SLC5A1: variants seen among roughly 807,000 people sequenced by gnomAD.
The protein encoded by SLC5A1 is sodium/glucose cotransporter 1.
In SLC5A1, 42 loss-of-function variants were observed where a neutral mutation model predicts 73.5. That is an observed-to-expected ratio of 0.57 (90% CI 0.45 to 0.74). SLC5A1 has a LOEUF of 0.74. Ranked by LOEUF, SLC5A1 falls within the 30% of genes least tolerant of loss-of-function variation. The pLI, the probability that SLC5A1 is intolerant of heterozygous loss-of-function variation, is 0.00. For missense variants in SLC5A1, 634 were observed against 855.4 expected, an observed-to-expected ratio of 0.74 and a Z score of 3.23; for synonymous variants, 300 against 317.4, an observed-to-expected ratio of 0.95 and a Z score of 0.58.
At chr22:32,102,292 TTTAA>T in intron 13 of SLC5A1, 55 bp downstream of exon 13, 1 of 1,321,118 alleles carries the variant, frequency 7.6e-7, no homozygotes, top group Non-Finnish European at 1.1e-6. Context: ...TGCAATGTTC[TTTAA>T]TTTTTTTTAA....
intron 6 of SLC5A1, 159 bp from the exon 7 acceptor site, chr22:32,082,915 G>GT: frequency 1.4e-6 from 1 of 695,896 alleles, no homozygotes; most frequent in South Asian, 1.6e-5. Flanking sequence ...GCAAAATACT[G>GT]TAACAGGACA....
intron 14 of SLC5A1, among the ~76,000 whole-genome samples, chr22:32,105,575 A>G (rs549249361): frequency 2.0e-5 from 3 of 152,340 alleles, no homozygotes; most frequent in Admixed American, 2.0e-4. Flanking sequence ...GATTACAGGC[A>G]TAAGCCACCA....
At chr22:32,069,083 A>G (rs1457004183) in intron 5 of SLC5A1, among the ~76,000 whole-genome samples, 2 of 152,198 alleles carry the variant, frequency 1.3e-5, no homozygotes, top group African/African-American at 4.8e-5. Flanking sequence ...ACTCGGCCTT[A>G]AAAAAGAAGG....
intron 1 of SLC5A1, among the ~76,000 whole-genome samples, chr22:32,048,618 A>T (rs1029757528): frequency 6.6e-6 from 1 of 152,046 alleles, no homozygotes; most frequent in Non-Finnish European, 1.5e-5. Flanking sequence ...CCACCTCTAG[A>T]TCTGCTGTTT....
chr22:32,083,228 G>C, intron 7 of SLC5A1, 74 bp downstream of exon 7: 1 of 1,257,614 alleles, frequency 8.0e-7, no homozygotes, highest in South Asian at 1.2e-5. Context: ...GGCAAGTCCA[G>C]CCTCTCTACC....
At chr22:32,094,716 T>G (rs1245212898) in intron 11 of SLC5A1, among the ~76,000 whole-genome samples, 1 of 152,220 alleles carries the variant, frequency 6.6e-6, no homozygotes, top group Non-Finnish European at 1.5e-5. Context: ...TTGTGCTTAT[T>G]TGGATTTTCT....
chr22:32,054,055 C>A (rs955721002), intron 2 of SLC5A1, among the ~76,000 whole-genome samples: 1 of 152,134 alleles, frequency 6.6e-6, no homozygotes, highest in Non-Finnish European at 1.5e-5. Context: ...TGCCTGTAAT[C>A]CCAGCTACTT....
chr22:32,084,676 T>C lies in SLC5A1; in HGVS notation c.885+17T>C. The C allele has an allele frequency of 6.2e-7, 1 of 1,605,542 alleles. No individual in the cohort carries two copies. The highest frequency in any genetic ancestry group is 1.1e-5 in the South Asian group (1 of 90,890). On this transcript the variant is annotated intron_variant, in intron 8 of 14. Transcript: ENST00000266088. ...ACAGATCAGGTACCCAAGCTGGATGTGCGGGATGGACAGAGTCTTCTCCAG... is the reference window on the plus strand; with the variant it reads ...ACAGATCAGGTACCCAAGCTGGATGCGCGGGATGGACAGAGTCTTCTCCAG...
chr22:32,049,140 A>G (rs1250730013), intron 1 of SLC5A1, among the ~76,000 whole-genome samples: 1 of 145,246 alleles, frequency 6.9e-6, no homozygotes, highest in Non-Finnish European at 1.5e-5. Context: ...ATCATTATAT[A>G]TATATAATCT....
chr22:32,058,844 C>G (rs893980873), intron 2 of SLC5A1, among the ~76,000 whole-genome samples: 14 of 152,246 alleles, frequency 9.2e-5, no homozygotes, highest in Admixed American at 5.9e-4. Context: ...TTCTCATGGG[C>G]CCTGGGTAGG....
Position 32,104,880 on chromosome 22 carries a change from C to G in SLC5A1, c.1760C>G (p.Thr587Ser), listed in dbSNP as rs1485644659. The change falls in exon 14 of 15, where the codon ACC (threonine) becomes AGC (serine). Residue 587 changes from threonine to serine, a missense_variant. Around this residue, in one of 3 missense-constraint regions of SLC5A1, gnomAD observed 161 missense variants for 178.7 expected, o/e 0.90. Transcript: ENST00000266088. ...AACATCCAAGAAGGCCCTAAGGAGA[C>G]CATTGAAATAGGTGACTTATGACCC... is the stretch of plus-strand genomic sequence containing the variant. ...EENIQEGPKETIEIETQVPEK... is the reference protein window; with the variant it reads ...EENIQEGPKESIEIETQVPEK... 1 of 1,611,252 alleles carries G rather than the reference C, an allele frequency of 6.2e-7. No homozygotes were observed. The highest frequency in any genetic ancestry group is 8.5e-7 in the Non-Finnish European group (1 of 1,177,354).
At chr22:32,090,787 A>G (rs1224906547) in intron 10 of SLC5A1, among the ~76,000 whole-genome samples, 3 of 151,822 alleles carry the variant, frequency 2.0e-5, no homozygotes, top group Non-Finnish European at 4.4e-5. Context: ...TGAATGTTTA[A>G]CCATCTGAAA....
chr22:32,099,634 C>T (rs1156923790), intron 12 of SLC5A1, among the ~76,000 whole-genome samples: 1 of 151,802 alleles, frequency 6.6e-6, no homozygotes, highest in East Asian at 1.9e-4. Flanking sequence ...ACTATGTTGC[C>T]CAGGCTGGTC....
chr22:32,105,217 T>A (rs548437019), intron 14 of SLC5A1, among the ~76,000 whole-genome samples: 18 of 152,022 alleles, frequency 1.2e-4, no homozygotes, highest in Non-Finnish European at 1.9e-4. Context: ...AGCAAGCACA[T>A]CATGGAGAAT....
Position 32,067,981 on chromosome 22 carries a change from G to C in SLC5A1, c.327G>C (p.Val109=). Residue 109 remains valine (V), a synonymous_variant, in exon 4 of 15, where the codon GTG becomes GTC. Coordinates refer to ENST00000266088, the MANE Select transcript of SLC5A1 (RefSeq NM_000343.4). ...GGFEWNALVL[V]VVLGWLFVPI... Reference sequence around the variant, plus strand: ...GTTCATTTCAGGCCCTGGTTTTGGTGGTTGTGCTGGGCTGGCTGTTTGTCC... The same window carrying C: ...GTTCATTTCAGGCCCTGGTTTTGGTCGTTGTGCTGGGCTGGCTGTTTGTCC... The C allele has an allele frequency of 6.2e-7, 1 of 1,614,174 alleles. No homozygotes were observed. Among genetic ancestry groups the C allele is most frequent in the South Asian group, 1.1e-5 (1 of 91,084 alleles).
Position 32,075,893 on chromosome 22 carries a change from A to G in SLC5A1, c.478-5973A>G, listed in dbSNP as rs558830338. Among the ~76,000 whole-genome samples the G allele has an allele frequency of 7.9e-5, 12 of 152,346 alleles. No homozygotes were observed. In the South Asian group the frequency reaches 2.3e-3, roughly 29 times the overall value. On this transcript the variant is annotated intron_variant, in intron 5 of 14. Coordinates refer to ENST00000266088, the MANE Select transcript of SLC5A1 (RefSeq NM_000343.4). ...ACCGATATCAACTGTACCTGCTAGA[A>G]GCTCACTTCAAGACACACAGGAATG...
At chr22:32,086,428 CT>C in intron 10 of SLC5A1, 101 bp downstream of exon 10, 1 of 835,738 alleles carries the variant, frequency 1.2e-6, no homozygotes, top group Non-Finnish European at 2.1e-6. Context: ...AAAGACATTT[CT>C]TAGCCGGGGG....
At chr22:32,063,808 C>G (rs930545788) in intron 2 of SLC5A1, among the ~76,000 whole-genome samples, 2 of 152,100 alleles carry the variant, frequency 1.3e-5, no homozygotes, top group African/African-American at 4.8e-5. Context: ...AAGGCAGAGT[C>G]AGAGTTTTGG....
intron 2 of SLC5A1, among the ~76,000 whole-genome samples, chr22:32,063,640 T>A (rs2093967351): frequency 6.6e-6 from 1 of 151,988 alleles, no homozygotes; most frequent in Non-Finnish European, 1.5e-5. Flanking sequence ...AGAGTTGTGC[T>A]TTAGGGAGGT....
Sources: gnomAD v4.1 joint callset for allele counts (sites outside exome capture counted in the v4.1 genomes callset) on GRCh38, gnomAD v4.1.1 for gene constraint, gnomAD v4.1.1 regional missense constraint, MANE v1.5 for transcripts, NCBI Gene and HGNC (gene_info 2026-07-23, HGNC 2026-07-21) for gene names.